DCAF5: variants seen among roughly 807,000 people sequenced by gnomAD.
DCAF5 encodes DDB1- and CUL4-associated factor 5.
Under a neutral mutation model 80.7 loss-of-function variants are expected in DCAF5, and 9 were observed. That is an observed-to-expected ratio of 0.11 (90% CI 0.07 to 0.19). The LOEUF is 0.19. Ranked by LOEUF, DCAF5 falls within the 10% of genes least tolerant of loss-of-function variation. The probability of loss-of-function intolerance (pLI) is 1.00; values close to 1 mark genes in which losing one functional copy is unlikely to be tolerated. For missense variants in DCAF5, 842 were observed against 1,205.7 expected (o/e 0.70, Z 4.47); for synonymous variants, 433 against 461.9 (o/e 0.94, Z 0.80).
chr14:69,063,098 GA>G (rs2038288080), intron 7 of DCAF5, among the ~76,000 whole-genome samples: 1 of 152,132 alleles, frequency 6.6e-6, no homozygotes, highest in Non-Finnish European at 1.5e-5. Context: ...TAGAAAGAAA[GA>G]AAAATTTGGA....
At position 69,055,894 on chromosome 14, in the gene DCAF5, T is replaced by C. The variant is rs939995087; in HGVS notation, c.1075-283A>G. On this transcript the variant is annotated intron_variant, in intron 8 of 8. Coordinates refer to ENST00000341516, the MANE Select transcript of DCAF5 (RefSeq NM_003861.3). This position sits in a 1 kb window ranked among gnomAD's most constrained non-coding sequence, Gnocchi z 5.6. ...CTAAGTCCTGTCTCTTGGCCCAGGGTAATCACATACTTTCTCCACCAGAAT... is the reference window on the plus strand; with the variant it reads ...CTAAGTCCTGTCTCTTGGCCCAGGGCAATCACATACTTTCTCCACCAGAAT... Among the ~76,000 whole-genome samples the C allele has an allele frequency of 5.9e-5, 9 of 152,312 alleles. No individual in the cohort carries two copies. The highest frequency in any genetic ancestry group is 8.8e-5 in the Non-Finnish European group (6 of 68,016).
intron 1 of DCAF5, among the ~76,000 whole-genome samples, chr14:69,131,213 A>G (rs935906989): frequency 1.3e-5 from 2 of 152,182 alleles, no homozygotes; most frequent in African/African-American, 4.8e-5. Flanking sequence ...GCAGATAGCA[A>G]TTTTACTTAA....
intron 7 of DCAF5, among the ~76,000 whole-genome samples, chr14:69,071,093 C>T (rs1026510128): frequency 6.6e-6 from 1 of 152,164 alleles, no homozygotes; most frequent in African/African-American, 2.4e-5. Flanking sequence ...CCACTGCACC[C>T]GGCCCCTTCC....
chr14:69,116,687 G>C (rs753719166), intron 4 of DCAF5, among the ~76,000 whole-genome samples, 192 bp from the exon 5 acceptor site: 3 of 151,958 alleles, frequency 2.0e-5, no homozygotes, highest in African/African-American at 4.8e-5. Flanking sequence ...TACATAGCAA[G>C]GTAAACACAT....
chr14:69,096,415 T>C (rs189823912), intron 5 of DCAF5, among the ~76,000 whole-genome samples: 4 of 152,338 alleles, frequency 2.6e-5, no homozygotes, highest in Admixed American at 1.3e-4. Flanking sequence ...ATGAATTCAG[T>C]ATACTTTTTG....
At chr14:69,104,835 C>G (rs1317205481) in intron 5 of DCAF5, among the ~76,000 whole-genome samples, 1 of 150,760 alleles carries the variant, frequency 6.6e-6, no homozygotes, top group East Asian at 1.9e-4. Context: ...CCAGCCTGGG[C>G]AACGAGAGCA....
At chr14:69,148,676 C>G (rs907893360) in intron 1 of DCAF5, among the ~76,000 whole-genome samples, 1 of 152,128 alleles carries the variant, frequency 6.6e-6, no homozygotes, top group African/African-American at 2.4e-5. Context: ...GCCTGGGCGA[C>G]AGAGCAAGAC....
chr14:69,148,714 A>C (rs2041618454), intron 1 of DCAF5, among the ~76,000 whole-genome samples: 1 of 152,192 alleles, frequency 6.6e-6, no homozygotes, highest in South Asian at 2.1e-4. Flanking sequence ...CCAAAAAAAA[A>C]GTAATGTTCA....
intron 1 of DCAF5, among the ~76,000 whole-genome samples, chr14:69,148,102 C>CAA (rs71446373): frequency 3.2e-4 from 29 of 91,572 alleles, no homozygotes; most frequent in Non-Finnish European, 3.8e-4. Context: ...ATTTTCTTCG[C>CAA]AAAAAAAAAA....
chr14:69,136,128 T>TTC, intron 1 of DCAF5, among the ~76,000 whole-genome samples: 1 of 150,470 alleles, frequency 6.6e-6, no homozygotes, highest in Non-Finnish European at 1.5e-5. Flanking sequence ...TTTTTTTTTT[T>TTC]TTTTGGATAC....
At chr14:69,143,001 C>T (rs1261886406) in intron 1 of DCAF5, among the ~76,000 whole-genome samples, 2 of 152,138 alleles carry the variant, frequency 1.3e-5, no homozygotes, top group African/African-American at 4.8e-5. Context: ...ATGGAATACA[C>T]AGAGTGTGAG....
chr14:69,142,554 A>G (rs2041409481), intron 1 of DCAF5, among the ~76,000 whole-genome samples: 1 of 152,188 alleles, frequency 6.6e-6, no homozygotes, highest in South Asian at 2.1e-4. Context: ...CTCATTAAGG[A>G]TTAAACAGGC....
At chr14:69,088,710 T>C (rs1283851057) in intron 6 of DCAF5, among the ~76,000 whole-genome samples, 1 of 152,192 alleles carries the variant, frequency 6.6e-6, no homozygotes, top group African/African-American at 2.4e-5. Context: ...AGCCTATGAC[T>C]AAATGAAAAG....
In DCAF5 at chr14:69,118,010, G is replaced by T; in HGVS notation, c.535+129C>A. On this transcript the variant is annotated intron_variant, in intron 4 of 8. Coordinates refer to ENST00000341516, the MANE Select transcript of DCAF5 (RefSeq NM_003861.3). The surrounding 1 kb of genome is among the most constrained non-coding windows in gnomAD (Gnocchi z 4.0). ...CCAAAGACCTCTTATGCCCCCATGT[G>T]AGTGTTTCACATTTCCTTTCCCTTG... The T allele has an allele frequency of 7.6e-7, 1 of 1,311,790 alleles. No individual in the cohort carries two copies. Among genetic ancestry groups the T allele is most frequent in the Non-Finnish European group, 1.1e-6 (1 of 930,220 alleles). The allele number at this position is 1,311,790 out of a possible 1,614,324, so 81.3% of individuals were successfully genotyped here.
chr14:69,105,822 A>C (rs1222249508), intron 5 of DCAF5, among the ~76,000 whole-genome samples: 2 of 146,932 alleles, frequency 1.4e-5, no homozygotes, highest in Non-Finnish European at 3.0e-5. Flanking sequence ...ACTTGAACTG[A>C]CCACTCTACT....
intron 6 of DCAF5, chr14:69,091,087 C>T (rs1293192116): frequency 7.9e-6 from 6 of 756,762 alleles, no homozygotes; most frequent in African/African-American, 1.7e-5. Flanking sequence ...ACATCAGCAT[C>T]TCCATTCCTG....
At chr14:69,126,014 TATA>T (rs1343847832) in intron 1 of DCAF5, among the ~76,000 whole-genome samples, 1 of 152,166 alleles carries the variant, frequency 6.6e-6, no homozygotes, top group Non-Finnish European at 1.5e-5. Flanking sequence ...ATCACTTTCC[TATA>T]TACCGGCAAT....
In DCAF5 at chr14:69,083,018, T is replaced by C. The variant is rs902668994; in HGVS notation, c.880-7607A>G. ...GTTCCTAAGAACAATCCAGGTCACCTTGTGTTCCTTTACAACTGAACGATT... is the reference window on the plus strand; with the variant it reads ...GTTCCTAAGAACAATCCAGGTCACCCTGTGTTCCTTTACAACTGAACGATT... On this transcript the variant is annotated intron_variant, in intron 6 of 8. Coordinates refer to ENST00000341516, the MANE Select transcript of DCAF5 (RefSeq NM_003861.3). Among the ~76,000 whole-genome samples, 4 of 152,298 alleles carry C rather than the reference T, an allele frequency of 2.6e-5. No homozygotes were observed. In the East Asian group the frequency reaches 7.7e-4, roughly 29 times the overall value.
At chr14:69,091,569 T>C (rs2039534837) in intron 6 of DCAF5, 105 bp downstream of exon 6, 11 of 1,063,158 alleles carry the variant, frequency 1.0e-5, no homozygotes, top group Middle Eastern at 4.3e-4. Flanking sequence ...TTCCCCTTAA[T>C]TGTTTCTACC....
Sources: allele counts gnomAD v4.1 joint callset (sites outside exome capture counted in the v4.1 genomes callset), GRCh38; gene constraint gnomAD v4.1.1; non-coding constraint Gnocchi (gnomAD v3.1); transcripts MANE v1.5; gene names NCBI Gene and HGNC (gene_info 2026-07-23, HGNC 2026-07-21).